The following SANBR variants were observed in gnomAD, a reference collection of about 807,000 sequenced individuals.
SANBR encodes SANT and BTB domain regulator of CSR.
SANBR carries 77 observed loss-of-function variants against 101.8 expected under a neutral mutation model. The observed-to-expected ratio is 0.76, with a 90% CI of 0.63 to 0.91. The LOEUF (loss-of-function observed/expected upper bound fraction) is 0.91, where lower values mean the gene tolerates loss of function less well. Among genes scored for constraint, SANBR ranks in the 40% least tolerant of loss-of-function variants. SANBR has a pLI of 0.00. For missense variants in SANBR, 875 were observed against 853.0 expected (o/e 1.03, Z -0.32); for synonymous variants, 279 against 274.7 (o/e 1.02, Z -0.15).
chr2:61,083,205 ACCC>A lies in SANBR; in HGVS notation c.783_785del (p.Pro262del). ...CAAAAATATGAATGCCATAGTAGCTACCCCATGCAACATGAACTGTATTAATGC... is the reference window on the plus strand; with the variant it reads ...CAAAAATATGAATGCCATAGTAGCTACATGCAACATGAACTGTATTAATGC... On this transcript the variant is annotated inframe_deletion, in exon 8 of 22. Coordinates refer to ENST00000402291, the MANE Select transcript of SANBR (RefSeq NM_001129993.3). The A allele has an allele frequency of 6.2e-7, 1 of 1,611,908 alleles. No homozygotes were observed. The highest frequency in any genetic ancestry group is 1.1e-5 in the South Asian group (1 of 91,036).
intron 16 of SANBR, among the ~76,000 whole-genome samples, chr2:61,110,990 A>T (rs1559132181): frequency 6.6e-6 from 1 of 152,236 alleles, no homozygotes; most frequent in African/African-American, 2.4e-5. Context: ...GAAAGTTAAC[A>T]TGTAACTTTC....
intron 16 of SANBR, among the ~76,000 whole-genome samples, chr2:61,115,007 A>G (rs1684006617): frequency 1.3e-5 from 2 of 152,234 alleles, no homozygotes; most frequent in African/African-American, 4.8e-5. Context: ...CATGAGAGAT[A>G]TTTGTAGTTT....
rs1684376223 is a variant in SANBR, at chr2:61,122,545, G to T, written c.*383G>T. ...ACAACTGGTAGTGTTACCATGCATG[G>T]CACTGATTGTAGTATGTCTTTGGAG... On this transcript the variant is annotated 3_prime_UTR_variant, in exon 22 of 22. Transcript: ENST00000402291. The T allele has an allele frequency of 1.0e-6, 1 of 998,290 alleles. No individual in the cohort carries two copies. The highest frequency in any genetic ancestry group is 1.7e-5 in the African/African-American group (1 of 57,648). The allele number at this position is 998,290 out of a possible 1,614,324, so 61.8% of individuals were successfully genotyped here.
At chr2:61,091,822 A>G (rs1682777556) in intron 10 of SANBR, among the ~76,000 whole-genome samples, 1 of 152,166 alleles carries the variant, frequency 6.6e-6, no homozygotes, top group Admixed American at 6.6e-5. Context: ...ACCATAGCAA[A>G]TATGGTTTTG....
intron 20 of SANBR, among the ~76,000 whole-genome samples, chr2:61,118,851 T>C (rs971772407): frequency 3.7e-4 from 57 of 152,308 alleles, no homozygotes; most frequent in African/African-American, 1.4e-3. Context: ...TGAGCCACAA[T>C]GCCTGGCCAC....
intron 4 of SANBR, among the ~76,000 whole-genome samples, chr2:61,072,934 C>T (rs1323523324): frequency 6.8e-6 from 1 of 147,416 alleles, no homozygotes; most frequent in Non-Finnish European, 1.5e-5. Context: ...TCAAGCAATC[C>T]TCCTGCCGCA....
intron 11 of SANBR, among the ~76,000 whole-genome samples, chr2:61,095,082 C>T (rs938227889): frequency 6.6e-6 from 1 of 152,122 alleles, no homozygotes; most frequent in African/African-American, 2.4e-5. Flanking sequence ...TAGTTGCCCC[C>T]CATCTCAGTA....
chr2:61,123,717 G>C lies in SANBR; in HGVS notation c.*1555G>C. 1 of 985,296 alleles carries C rather than the reference G, an allele frequency of 1.0e-6. No homozygotes were observed. Among genetic ancestry groups the C allele is most frequent in the South Asian group, 4.7e-5 (1 of 21,282 alleles). The allele number at this position is 985,296 out of a possible 1,614,324, so 61.0% of individuals were successfully genotyped here. A position where few individuals can be genotyped will look rare whatever the true frequency, so the allele number is the denominator to read the frequency against. ...TTTGATTTTTAACTGATGGTAAAAA[G>C]GCAAACTGCTTCTCCCCTGGGAGGC... On this transcript the variant is annotated 3_prime_UTR_variant, in exon 22 of 22. Transcript: ENST00000402291.
chr2:61,071,563 A>G (rs761693078), intron 3 of SANBR, 43 bp from the exon 4 acceptor site: 17 of 1,406,834 alleles, frequency 1.2e-5, no homozygotes, highest in South Asian at 4.5e-5. Flanking sequence ...AAAAAAAAAA[A>G]AAATTCCCAA....
At chr2:61,108,097 G>A (rs1024412047) in intron 14 of SANBR, among the ~76,000 whole-genome samples, 2 of 152,024 alleles carry the variant, frequency 1.3e-5, no homozygotes, top group African/African-American at 4.8e-5. Context: ...AATAATACTG[G>A]GAAAGTGTCT....
intron 10 of SANBR, 43 bp downstream of exon 10, chr2:61,088,511 A>C: frequency 8.5e-7 from 1 of 1,181,466 alleles, no homozygotes; most frequent in Non-Finnish European, 1.2e-6. Flanking sequence ...TTGTATATAT[A>C]TATATATAGT....
chr2:61,134,036 T>C (rs532257397), intron 20 of SANBR: 1 of 1,532,324 alleles, frequency 6.5e-7, no homozygotes, highest in East Asian at 2.3e-5. Context: ...CTCACCAATT[T>C]ATCCTAACAG....
At chr2:61,083,355 A>T in intron 8 of SANBR, 41 bp downstream of exon 8, 1 of 1,149,468 alleles carries the variant, frequency 8.7e-7, no homozygotes, top group Non-Finnish European at 1.3e-6. Flanking sequence ...TACTCCTGTT[A>T]AAAGAAATAT....
At chr2:61,108,727 T>G (rs2104943005) in intron 15 of SANBR, among the ~76,000 whole-genome samples, 1 of 152,008 alleles carries the variant, frequency 6.6e-6, no homozygotes, top group East Asian at 1.9e-4. Flanking sequence ...TTCACAAGAA[T>G]GGAACAGGAA....
intron 7 of SANBR, among the ~76,000 whole-genome samples, 171 bp from the exon 8 acceptor site, chr2:61,082,983 T>TA (rs1682220212): frequency 6.6e-6 from 1 of 152,214 alleles, no homozygotes; most frequent in Non-Finnish European, 1.5e-5. Flanking sequence ...TTTGACCTGC[T>TA]AGATTGCCTT....
chr2:61,114,050 G>T (rs372769288), intron 16 of SANBR, among the ~76,000 whole-genome samples: 14 of 152,042 alleles, frequency 9.2e-5, no homozygotes, highest in Non-Finnish European at 1.5e-5. Context: ...GATTTTTCAC[G>T]TTATACCAGT....
rs550215654 is a variant in SANBR at position 61,095,411 on chromosome 2, G to A, written c.1213-2289G>A. On this transcript the variant is annotated intron_variant, in intron 11 of 21. Coordinates refer to ENST00000402291, the MANE Select transcript of SANBR (RefSeq NM_001129993.3). ...TTTTTAAAATTAAAAACCATTATGTGAACATCACAATTGAAACTAACAACC... is the reference window on the plus strand; with the variant it reads ...TTTTTAAAATTAAAAACCATTATGTAAACATCACAATTGAAACTAACAACC... 2.6e-5 allele frequency among the ~76,000 whole-genome samples: 4 copies of A among 152,184 alleles called. No individual in the cohort carries two copies. In the South Asian group the frequency reaches 8.3e-4, roughly 32 times the overall value.
chr2:61,065,942 A>G lies in SANBR; in HGVS notation c.-232A>G, dbSNP rs1362602959. The G allele has an allele frequency of 6.6e-6, 1 of 152,112 alleles. No individual in the cohort carries two copies. The highest frequency in any genetic ancestry group is 1.9e-4 in the East Asian group (1 of 5,220). 9.4% of individuals were successfully genotyped at this position (152,112 alleles called of 1,614,324 possible). A position where few individuals can be genotyped will look rare whatever the true frequency, so the allele number is the denominator to read the frequency against. On this transcript the variant is annotated 5_prime_UTR_variant, in exon 1 of 22. Coordinates refer to ENST00000402291, the MANE Select transcript of SANBR (RefSeq NM_001129993.3). ...CTGCGGACGGGGTTGCGGGCTCGGT[A>G]GCGGCAGCTTCAGGGCGCGAGCGCG...
Position 61,124,253 on chromosome 2 carries a change from T to C in SANBR, c.*2091T>C. 1 of 966,148 alleles carries C rather than the reference T, an allele frequency of 1.0e-6. No individual in the cohort carries two copies. Among genetic ancestry groups the C allele is most frequent in the Non-Finnish European group, 1.2e-6 (1 of 812,270 alleles). The allele number at this position is 966,148 out of a possible 1,614,324, so 59.8% of individuals were successfully genotyped here. A position where few individuals can be genotyped will look rare whatever the true frequency, so the allele number is the denominator to read the frequency against. ...ACATTAATCCTGGATTCACATTTCT[T>C]TAATTGAAATAAATGTTAATGACAA... On this transcript the variant is annotated 3_prime_UTR_variant, in exon 22 of 22. Coordinates refer to ENST00000402291, the MANE Select transcript of SANBR (RefSeq NM_001129993.3).
Sources: gnomAD v4.1 joint callset for allele counts (sites outside exome capture counted in the v4.1 genomes callset) on GRCh38, gnomAD v4.1.1 for gene constraint, MANE v1.5 for transcripts, NCBI Gene and HGNC (gene_info 2026-07-23, HGNC 2026-07-21) for gene names.